DNAH14: variants seen among roughly 807,000 people sequenced by gnomAD.
DNAH14 encodes dynein axonemal heavy chain 14.
DNAH14 carries 478 observed loss-of-function variants against 520.9 expected under a neutral mutation model. The ratio of observed to expected loss-of-function variants is 0.92; its 90% CI spans 0.85 to 0.99. The LOEUF (loss-of-function observed/expected upper bound fraction) is 0.99. Ranked by LOEUF, DNAH14 falls within the 50% of genes least tolerant of loss-of-function variation. The probability of loss-of-function intolerance (pLI) is 0.00; values close to 1 mark genes in which losing one functional copy is unlikely to be tolerated. For missense variants in DNAH14, 4,831 were observed against 5,234.5 expected (o/e 0.92, Z 2.38); for synonymous variants, 1,581 against 1,757.2 (o/e 0.90, Z 2.51).
At chr1:225,318,723 A>C in intron 61 of DNAH14, 46 bp downstream of exon 61, 11 of 1,497,612 alleles carry the variant, frequency 7.3e-6, no homozygotes, top group Non-Finnish European at 9.9e-6. Context: ...TCAGAAAAAA[A>C]CATAAATTCA....
At chr1:225,337,204 T>G (rs1266799860) in intron 66 of DNAH14, 62 bp from the exon 67 acceptor site, 7 of 1,287,372 alleles carry the variant, frequency 5.4e-6, no homozygotes, top group Non-Finnish European at 7.7e-6. Flanking sequence ...TAGTACCCTG[T>G]AGGATACTAA....
In DNAH14 at chr1:225,340,540, C is replaced by T; in HGVS notation, c.10517C>T (p.Thr3506Ile). ...GTTACTATGATCAACTTCACTGTAA[C>T]ATTCCAAGGTTTGCAAGATCAACTC... ...NFVTMINFTV[T>I]FQGLQDQLLS... Residue 3506 changes from threonine to isoleucine, a missense_variant, in exon 69 of 86, where the codon ACA becomes ATA. Thr to Ile is a moderately conservative substitution (Grantham distance 89). Transcript: ENST00000682510. 6.4e-7 allele frequency: 1 copy of T among 1,551,430 alleles called. No individual in the cohort carries two copies. Among genetic ancestry groups the T allele is most frequent in the Non-Finnish European group, 8.7e-7 (1 of 1,146,864 alleles).
At chr1:225,304,565 A>T (rs2094203514) in intron 57 of DNAH14, among the ~76,000 whole-genome samples, 1 of 152,196 alleles carries the variant, frequency 6.6e-6, no homozygotes, top group African/African-American at 2.4e-5. Flanking sequence ...TCAAAATAAA[A>T]AATAAATAAA....
chr1:225,186,306 A>C (rs1188912588), intron 37 of DNAH14, among the ~76,000 whole-genome samples: 1 of 151,588 alleles, frequency 6.6e-6, no homozygotes, highest in Non-Finnish European at 1.5e-5. Flanking sequence ...CTTCATGCAA[A>C]TTTTCCTTCC....
intron 13 of DNAH14, 90 bp from the exon 14 acceptor site, chr1:225,043,654 T>C: frequency 1.1e-6 from 1 of 946,770 alleles, no homozygotes; most frequent in Non-Finnish European, 1.6e-6. Flanking sequence ...AGGATATGTG[T>C]AAAGCACTGG....
chr1:225,165,547 T>A (rs559716373), intron 35 of DNAH14, among the ~76,000 whole-genome samples: 23 of 147,584 alleles, frequency 1.6e-4, no homozygotes, highest in African/African-American at 6.0e-4. Context: ...TTATAGATTT[T>A]GTTTTTTTTT....
chr1:225,119,127 T>G (rs1053416323), intron 25 of DNAH14, 93 bp from the exon 26 acceptor site: 1 of 865,746 alleles, frequency 1.2e-6, no homozygotes, highest in Non-Finnish European at 1.7e-6. Context: ...ATTATTAAAG[T>G]ATGTAGAAAA....
chr1:224,975,680 C>T (rs1461265685), intron 8 of DNAH14, among the ~76,000 whole-genome samples: 1 of 151,140 alleles, frequency 6.6e-6, no homozygotes, highest in East Asian at 2.0e-4. Flanking sequence ...AAAACCAGCT[C>T]CTGGATTCAT....
intron 1 of DNAH14, among the ~76,000 whole-genome samples, chr1:224,935,422 G>T (rs980292288): frequency 2.0e-5 from 3 of 151,818 alleles, no homozygotes; most frequent in Admixed American, 6.6e-5. Flanking sequence ...AGCCAAAAGG[G>T]AGTAGGAGTA....
At position 225,017,058 on chromosome 1, in the gene DNAH14, T is replaced by A. The variant is rs183173449; in HGVS notation, c.1108-6557T>A. Among the ~76,000 whole-genome samples, 13 of 152,244 alleles carry A rather than the reference T, an allele frequency of 8.5e-5. No homozygotes were observed. In the East Asian group the frequency reaches 2.5e-3, roughly 29 times the overall value. On this transcript the variant is annotated intron_variant, in intron 10 of 85. Transcript: ENST00000682510. ...GGCATCTTATACATTTCTTTATGACTGGGGCCTGTTACTACAGTATTATTG... is the reference window on the plus strand; with the variant it reads ...GGCATCTTATACATTTCTTTATGACAGGGGCCTGTTACTACAGTATTATTG...
At chr1:225,257,621 C>G (rs1436201982) in intron 44 of DNAH14, among the ~76,000 whole-genome samples, 1 of 151,478 alleles carries the variant, frequency 6.6e-6, no homozygotes, top group South Asian at 2.1e-4. Flanking sequence ...CTGCAAGCTC[C>G]GCCTCCTGGG....
intron 34 of DNAH14, among the ~76,000 whole-genome samples, chr1:225,158,306 G>A (rs1213613328): frequency 6.6e-6 from 1 of 152,084 alleles, no homozygotes; most frequent in African/African-American, 2.4e-5. Flanking sequence ...ATAGTAGAGG[G>A]AACTGTTGTT....
intron 37 of DNAH14, among the ~76,000 whole-genome samples, chr1:225,187,944 A>T (rs1291649812): frequency 2.0e-5 from 3 of 151,488 alleles, no homozygotes; most frequent in Non-Finnish European, 4.4e-5. Flanking sequence ...GTTCTTTTAC[A>T]TAGGGATATC....
intron 84 of DNAH14, chr1:225,396,089 T>C (rs969713203): frequency 6.6e-5 from 10 of 152,162 alleles, no homozygotes; most frequent in African/African-American, 2.4e-4. Context: ...TTGATCTAAA[T>C]TGATGATGAT....
At chr1:225,330,247 G>T (rs764143077) in intron 64 of DNAH14, among the ~76,000 whole-genome samples, 7 of 152,076 alleles carry the variant, frequency 4.6e-5, no homozygotes, top group Non-Finnish European at 1.0e-4. Context: ...CAGTTTGGAG[G>T]TTCCTCAAAA....
At chr1:225,167,239 T>C (rs940636071) in intron 35 of DNAH14, among the ~76,000 whole-genome samples, 11 of 152,172 alleles carry the variant, frequency 7.2e-5, no homozygotes, top group Non-Finnish European at 1.0e-4. Flanking sequence ...CTTTGTTCTG[T>C]CTCAATGTAG....
chr1:225,253,277 C>G (rs1447315495), intron 44 of DNAH14, among the ~76,000 whole-genome samples: 2 of 152,158 alleles, frequency 1.3e-5, no homozygotes, highest in Non-Finnish European at 2.9e-5. Context: ...CTTTTTACCA[C>G]TATGTAGAAA....
At chr1:225,313,867 C>T (rs777754616) in intron 60 of DNAH14, among the ~76,000 whole-genome samples, 1 of 151,972 alleles carries the variant, frequency 6.6e-6, no homozygotes, top group Non-Finnish European at 1.5e-5. Flanking sequence ...ATTATGTGAT[C>T]GATTTTAGAA....
At chr1:225,233,340 G>A (rs1486086293) in intron 42 of DNAH14, among the ~76,000 whole-genome samples, 1 of 152,142 alleles carries the variant, frequency 6.6e-6, no homozygotes, top group East Asian at 1.9e-4. Context: ...GGATTGCTGG[G>A]TCAAATGGTA....
Sources: allele counts gnomAD v4.1 joint callset (sites outside exome capture counted in the v4.1 genomes callset), GRCh38; gene constraint gnomAD v4.1.1; transcripts MANE v1.5; gene names NCBI Gene and HGNC (gene_info 2026-07-23, HGNC 2026-07-21).